Variants in CREBRF observed in about 807,000 individuals in gnomAD.
CREBRF encodes UPF0474 protein C5orf41.
Under a neutral mutation model 66.1 loss-of-function variants are expected in CREBRF, and 5 were observed. The ratio of observed to expected loss-of-function variants is 0.08; its 90% CI spans 0.04 to 0.16. The LOEUF is 0.16. CREBRF is among the 10% of genes least tolerant of loss of function. CREBRF has a pLI of 1.00. For synonymous variants in CREBRF, 229 were observed against 264.4 expected, an observed-to-expected ratio of 0.87 and a Z score of 1.30; for missense variants, 531 against 744.9, an observed-to-expected ratio of 0.71 and a Z score of 3.34.
intron 8 of CREBRF, among the ~76,000 whole-genome samples, chr5:173,125,753 A>G (rs1031170843): frequency 3.3e-5 from 5 of 152,212 alleles, no homozygotes; most frequent in African/African-American, 9.6e-5. Context: ...AGTCCCAGCT[A>G]CTTGGGAGGC....
chr5:173,065,419 A>G (rs534848297), intron 1 of CREBRF, among the ~76,000 whole-genome samples: 13 of 152,226 alleles, frequency 8.5e-5, no homozygotes, highest in African/African-American at 3.1e-4. Flanking sequence ...AGTCTGTTCT[A>G]TGCTGTCAGG....
intron 1 of CREBRF, among the ~76,000 whole-genome samples, chr5:173,071,166 G>T (rs1402243842): frequency 1.3e-5 from 2 of 149,002 alleles, no homozygotes; most frequent in African/African-American, 2.5e-5. Flanking sequence ...AGACTTAAGA[G>T]TAGTGGAAGA....
At chr5:173,061,439 ATG>A (rs1389725177) in intron 1 of CREBRF, among the ~76,000 whole-genome samples, 1 of 152,230 alleles carries the variant, frequency 6.6e-6, no homozygotes, top group Non-Finnish European at 1.5e-5. Context: ...TTACATATAA[ATG>A]TTTTCTTGAA....
intron 1 of CREBRF, among the ~76,000 whole-genome samples, chr5:173,058,644 C>T (rs530703209): frequency 6.4e-4 from 96 of 150,706 alleles, no homozygotes; most frequent in African/African-American, 2.3e-3. Context: ...CCATCACGCC[C>T]GGCTAATTTT....
chr5:173,125,898 C>T (rs1759264535), intron 8 of CREBRF, among the ~76,000 whole-genome samples: 1 of 151,986 alleles, frequency 6.6e-6, no homozygotes, highest in South Asian at 2.1e-4. Context: ...ACATGGCACG[C>T]CAGGTTTGGT....
At chr5:173,068,021 A>T (rs1205313308) in intron 1 of CREBRF, 1 of 338,312 alleles carries the variant, frequency 3.0e-6, no homozygotes, top group African/African-American at 2.2e-5. Flanking sequence ...ATCTTCAGTT[A>T]ATTTTGTCTT....
At chr5:173,078,372 C>A (rs1261842468) in intron 1 of CREBRF, among the ~76,000 whole-genome samples, 2 of 151,940 alleles carry the variant, frequency 1.3e-5, no homozygotes, top group African/African-American at 4.8e-5. Flanking sequence ...AAGCCAGTTC[C>A]ATATAAAACA....
intron 5 of CREBRF, 86 bp from the exon 6 acceptor site, chr5:173,110,436 G>T: frequency 1.1e-6 from 1 of 899,724 alleles, no homozygotes; most frequent in South Asian, 1.3e-5. Context: ...GGTAGTGGTG[G>T]GAAGTGGTTA....
chr5:173,117,879 T>G (rs973723794), intron 7 of CREBRF, among the ~76,000 whole-genome samples: 6 of 144,258 alleles, frequency 4.2e-5, no homozygotes, highest in Non-Finnish European at 9.1e-5. Context: ...CCTGACTGAT[T>G]TTTTTTTTTT....
chr5:173,075,803 G>A (rs904038150), intron 1 of CREBRF, among the ~76,000 whole-genome samples: 3 of 150,832 alleles, frequency 2.0e-5, no homozygotes, highest in Admixed American at 2.0e-4. Flanking sequence ...GCCTCTCTTC[G>A]TTTCCCTTTC....
chr5:173,072,420 C>T (rs1257044436), intron 1 of CREBRF, among the ~76,000 whole-genome samples: 1 of 151,958 alleles, frequency 6.6e-6, no homozygotes, highest in Non-Finnish European at 1.5e-5. Flanking sequence ...TGACTACAGG[C>T]ACTGGCCACC....
intron 2 of CREBRF, 111 bp downstream of exon 2, chr5:173,080,895 T>C (rs1757920743): frequency 9.8e-7 from 1 of 1,022,078 alleles, no homozygotes; most frequent in African/African-American, 1.6e-5. Flanking sequence ...CTTTTTGTGA[T>C]ATCTCATTTC....
chr5:173,091,589 A>C (rs1758341718), intron 4 of CREBRF, 188 bp downstream of exon 4: 8 of 1,349,036 alleles, frequency 5.9e-6, no homozygotes, highest in Non-Finnish European at 6.7e-6. Flanking sequence ...ACTTTTGCTC[A>C]CATAGGGATT....
intron 8 of CREBRF, among the ~76,000 whole-genome samples, chr5:173,130,849 C>T (rs564360443): frequency 2.0e-5 from 3 of 152,168 alleles, no homozygotes; most frequent in South Asian, 2.1e-4. Flanking sequence ...AGTCACTGGT[C>T]GTACACCACC....
At chr5:173,079,892 C>G (rs896132170) in intron 1 of CREBRF, among the ~76,000 whole-genome samples, 2 of 152,166 alleles carry the variant, frequency 1.3e-5, no homozygotes, top group African/African-American at 2.4e-5. Flanking sequence ...AGTCTGTACC[C>G]TGTCAAAATC....
chr5:173,115,698 T>G (rs1396906563), intron 7 of CREBRF, among the ~76,000 whole-genome samples: 1 of 152,046 alleles, frequency 6.6e-6, no homozygotes, highest in Non-Finnish European at 1.5e-5. Context: ...AGTGCAGTGG[T>G]GCAATCTCAG....
chr5:173,112,235 C>A, intron 6 of CREBRF, 71 bp from the exon 7 acceptor site: 1 of 1,121,504 alleles, frequency 8.9e-7, no homozygotes, highest in Non-Finnish European at 1.3e-6. Flanking sequence ...GAGACCCCTT[C>A]TCCGTAATTA....
chr5:173,091,456 TAGAA>T, intron 4 of CREBRF, 55 bp downstream of exon 4: 3 of 1,556,568 alleles, frequency 1.9e-6, no homozygotes, highest in South Asian at 1.2e-5. Context: ...TATTTTGAAA[TAGAA>T]AGGTTTTTGT....
At chr5:173,088,437 G>A (rs1437422407) in intron 3 of CREBRF, among the ~76,000 whole-genome samples, 4 of 136,244 alleles carry the variant, frequency 2.9e-5, no homozygotes, top group South Asian at 4.8e-4. Context: ...TGCAGTGAGC[G>A]GAGATTGCAC....
Sources: allele counts gnomAD v4.1 joint callset (sites outside exome capture counted in the v4.1 genomes callset), GRCh38; gene constraint gnomAD v4.1.1; transcripts MANE v1.5; gene names NCBI Gene and HGNC (gene_info 2026-07-23, HGNC 2026-07-21).